The following CASP4 variants were observed in gnomAD, a reference collection of about 807,000 sequenced individuals.
CASP4 encodes the protein caspase-4.
In CASP4, 29 loss-of-function variants were observed where a neutral mutation model predicts 41.3. The observed-to-expected ratio is 0.70, with a 90% confidence interval of 0.52 to 0.96. The LOEUF (loss-of-function observed/expected upper bound fraction) is 0.96. Among genes scored for constraint, CASP4 ranks in the 40% least tolerant of loss-of-function variants. The probability of loss-of-function intolerance (pLI) is 0.00; values close to 1 mark genes in which losing one functional copy is unlikely to be tolerated. For synonymous variants in CASP4, 185 were observed against 158.4 expected (o/e 1.17, Z -1.26); for missense variants, 447 against 460.6 (o/e 0.97, Z 0.27).
chr11:104,944,701 A>T lies in CASP4; in HGVS notation c.*5+47T>A, dbSNP rs1336662911. ...GTCATTGAACTTAACCACCAATATC[A>T]CTCTCTTATTTATTTCACATACCAC... On this transcript the variant is annotated intron_variant, in intron 8 of 8. Coordinates refer to ENST00000444739, the MANE Select transcript of CASP4 (RefSeq NM_001225.4). 39 of 1,188,962 alleles carry T rather than the reference A, an allele frequency of 3.3e-5. No homozygotes were observed. The East Asian group carries it at 8.9e-4, about 27-fold the overall frequency. 73.7% of individuals were successfully genotyped at this position (1,188,962 alleles called of 1,614,324 possible). A position where few individuals can be genotyped will look rare whatever the true frequency, so the allele number is the denominator to read the frequency against.
chr11:104,957,559 G>A (rs1320075367), intron 1 of CASP4, among the ~76,000 whole-genome samples: 1 of 152,062 alleles, frequency 6.6e-6, no homozygotes, highest in Non-Finnish European at 1.5e-5. Context: ...GCTACAGAAT[G>A]AGATCCTGTC....
intron 1 of CASP4, among the ~76,000 whole-genome samples, chr11:104,967,668 G>C (rs1033831994): frequency 6.6e-6 from 1 of 152,136 alleles, no homozygotes; most frequent in African/African-American, 2.4e-5. Context: ...ATGCCTGCAG[G>C]GTATTTAAGA....
At chr11:104,950,518 C>G (rs530903621) in intron 4 of CASP4, among the ~76,000 whole-genome samples, 12 of 152,060 alleles carry the variant, frequency 7.9e-5, no homozygotes, top group Non-Finnish European at 1.8e-4. Context: ...TGGCTGGGAA[C>G]TTCCTGTCTC....
At chr11:104,944,894 A>G (rs758167417) in intron 7 of CASP4, 43 bp from the exon 8 acceptor site, 2 of 1,268,390 alleles carry the variant, frequency 1.6e-6, no homozygotes, top group Non-Finnish European at 2.3e-6. Context: ...GACTCTTTTC[A>G]AGTCTCAGAA....
intron 1 of CASP4, among the ~76,000 whole-genome samples, chr11:104,958,343 TAATC>T (rs751295075): frequency 6.6e-6 from 1 of 152,118 alleles, no homozygotes. Flanking sequence ...ATTAAAGAGA[TAATC>T]AACAGTATGG....
chr11:104,965,062 A>G (rs1860942894), intron 1 of CASP4, among the ~76,000 whole-genome samples: 3 of 152,248 alleles, frequency 2.0e-5, no homozygotes, highest in Non-Finnish European at 1.5e-5. Flanking sequence ...AAAAGAAAAC[A>G]TATAATATAC....
chr11:104,954,721 A>C, intron 2 of CASP4, 26 bp downstream of exon 2: 1 of 1,606,804 alleles, frequency 6.2e-7, no homozygotes, highest in East Asian at 2.2e-5. Flanking sequence ...AAATTGAGAC[A>C]TTCATTGTAA....
At chr11:104,944,039 A>G (rs1176535913) in intron 8 of CASP4, 1 of 152,232 alleles carries the variant, frequency 6.6e-6, no homozygotes, top group African/African-American at 2.4e-5. Flanking sequence ...TTTGGTCAAA[A>G]TAATAACAAA....
intron 1 of CASP4, among the ~76,000 whole-genome samples, chr11:104,961,859 T>A (rs1042821518): frequency 6.6e-6 from 1 of 152,200 alleles, no homozygotes; most frequent in South Asian, 2.1e-4. Context: ...CGATGAGCCC[T>A]GGAGAAAGTT....
intron 1 of CASP4, among the ~76,000 whole-genome samples, chr11:104,961,241 C>T (rs1403200538): frequency 6.6e-6 from 1 of 152,216 alleles, no homozygotes; most frequent in Non-Finnish European, 1.5e-5. Flanking sequence ...GAGAAATAAT[C>T]CTGGAGAGAT....
intron 8 of CASP4, chr11:104,944,377 TGTG>T: frequency 5.4e-6 from 1 of 185,354 alleles, no homozygotes; most frequent in Non-Finnish European, 1.1e-5. Flanking sequence ...TCTGTGTGTG[TGTG>T]TGTGTGTGTG....
At chr11:104,944,137 A>C (rs1860391894) in intron 8 of CASP4, 1 of 152,226 alleles carries the variant, frequency 6.6e-6, no homozygotes, top group Admixed American at 6.5e-5. Context: ...CATTGTGAGA[A>C]CAGTCTGAGA....
rs60978430 is a variant in CASP4 at position 104,948,819 on chromosome 11, G to GACACAC, written c.782-149_782-144dup. On this transcript the variant is annotated intron_variant, in intron 5 of 8. Coordinates refer to ENST00000444739, the MANE Select transcript of CASP4 (RefSeq NM_001225.4). ...ACACATACAAACACACACAGAGAGA[G>GACACAC]ACACACACACACACACACCACTTTT... 698 of 483,114 alleles carry GACACAC rather than the reference G, an allele frequency of 1.4e-3. 4 individuals are homozygous for GACACAC. The highest frequency in any genetic ancestry group is 0.013 in the African/African-American group (655 of 51,028). 29.9% of individuals were successfully genotyped at this position (483,114 alleles called of 1,614,324 possible).
At chr11:104,965,622 G>A (rs1860956239) in intron 1 of CASP4, among the ~76,000 whole-genome samples, 1 of 152,174 alleles carries the variant, frequency 6.6e-6, no homozygotes, top group African/African-American at 2.4e-5. Context: ...CTGACTTTGG[G>A]AAGGAATTCA....
At chr11:104,964,287 C>A (rs2134660106) in intron 1 of CASP4, among the ~76,000 whole-genome samples, 1 of 152,252 alleles carries the variant, frequency 6.6e-6, no homozygotes, top group East Asian at 1.9e-4. Flanking sequence ...AAAAACAAAA[C>A]TTCCAGGACT....
Position 104,952,413 on chromosome 11 carries a change from T to C in CASP4, c.263-408A>G, listed in dbSNP as rs531037986. ...CTATCTACTACAAATTTAATGTGTG[T>C]TCCATGTCCAATATTTAATTTCTAC... On this transcript the variant is annotated intron_variant, in intron 2 of 8. Transcript: ENST00000444739. 2.0e-5 allele frequency among the ~76,000 whole-genome samples: 3 copies of C among 152,286 alleles called. No homozygotes were observed. In the South Asian group the frequency reaches 6.2e-4, roughly 32 times the overall value.
rs572527093 is a variant in CASP4 at position 104,958,671 on chromosome 11, G to A, written c.8-3670C>T. Among the ~76,000 whole-genome samples the A allele has an allele frequency of 3.7e-4, 57 of 152,054 alleles. 1 individual carries two copies. The highest frequency in any genetic ancestry group is 9.9e-4 in the African/African-American group (41 of 41,504). On this transcript the variant is annotated intron_variant, in intron 1 of 8. Coordinates refer to ENST00000444739, the MANE Select transcript of CASP4 (RefSeq NM_001225.4). The stretch of plus-strand genomic sequence containing the variant: ...AACTCTTGTACACTGTTGGTAAAAC[G>A]TAAATTAGGCCCTGCGCAGTGGCTC...
chr11:104,964,274 G>A (rs1220278172), intron 1 of CASP4, among the ~76,000 whole-genome samples: 1 of 151,944 alleles, frequency 6.6e-6, no homozygotes, highest in African/African-American at 2.4e-5. Context: ...TGGAATAGAG[G>A]AAAAAAACAA....
Position 104,954,909 on chromosome 11 carries a change from C to A in CASP4, c.100G>T (p.Val34Leu). Residue 34 changes from valine to leucine, a missense_variant, in exon 2 of 9, where the codon GTA becomes TTA. By Grantham distance (32) the Val-to-Leu change is conservative (BLOSUM62 1). Coordinates refer to ENST00000444739, the MANE Select transcript of CASP4 (RefSeq NM_001225.4). ...GVLDNLVEQN[V>L]LNWKEEEKKK... ...TTTTCCTCTTCCTTCCAGTTCAGTA[C>A]ATTTTGTTCCACCAAGTTATCCAAA... 1 of 1,613,666 alleles carries A rather than the reference C, an allele frequency of 6.2e-7. No homozygotes were observed. The highest frequency in any genetic ancestry group is 8.5e-7 in the Non-Finnish European group (1 of 1,179,720).
Sources: allele counts gnomAD v4.1 joint callset (sites outside exome capture counted in the v4.1 genomes callset), GRCh38; gene constraint gnomAD v4.1.1; transcripts MANE v1.5; gene names NCBI Gene and HGNC (gene_info 2026-07-23, HGNC 2026-07-21).